The following TRPC4 variants were observed in gnomAD, a reference collection of about 807,000 sequenced individuals.
TRPC4 encodes the protein transient receptor potential cation channel subfamily C member 4, also known as short transient receptor potential channel 4.
Under a neutral mutation model 99.4 loss-of-function variants are expected in TRPC4, and 49 were observed. The observed-to-expected ratio is 0.49, with a 90% CI of 0.39 to 0.63. TRPC4 has a LOEUF of 0.63. TRPC4 is among the 20% of genes least tolerant of loss of function. The pLI is 0.00. For synonymous variants in TRPC4, 454 were observed against 425.9 expected, an observed-to-expected ratio of 1.07 and a Z score of -0.81; for missense variants, 898 against 1,152.9, an observed-to-expected ratio of 0.78 and a Z score of 3.20.
intron 2 of TRPC4, among the ~76,000 whole-genome samples, chr13:37,755,756 G>A (rs1457844240): frequency 6.6e-6 from 1 of 152,104 alleles, no homozygotes; most frequent in Non-Finnish European, 1.5e-5. Flanking sequence ...AAGATAGTAA[G>A]GGGCATTTGT....
chr13:37,735,994 T>TG (rs1447065499), intron 3 of TRPC4, among the ~76,000 whole-genome samples: 1 of 152,046 alleles, frequency 6.6e-6, no homozygotes, highest in African/African-American at 2.4e-5. Flanking sequence ...AATTTAACTG[T>TG]GGGGGAAAAA....
At chr13:37,765,266 G>A (rs950962291) in intron 2 of TRPC4, among the ~76,000 whole-genome samples, 1 of 150,926 alleles carries the variant, frequency 6.6e-6, no homozygotes, top group African/African-American at 2.4e-5. Flanking sequence ...ATTAAAATAG[G>A]GCACCAACCT....
At chr13:37,867,893 G>A (rs1172742717) in intron 1 of TRPC4, among the ~76,000 whole-genome samples, 1 of 152,022 alleles carries the variant, frequency 6.6e-6, no homozygotes, top group Non-Finnish European at 1.5e-5. Flanking sequence ...CCTATAGATG[G>A]CTGTAGTTCT....
At chr13:37,821,780 G>A (rs1430614182) in intron 1 of TRPC4, among the ~76,000 whole-genome samples, 1 of 151,840 alleles carries the variant, frequency 6.6e-6, no homozygotes, top group African/African-American at 2.4e-5. Flanking sequence ...TTGAAACTGG[G>A]TCTTTCCTTA....
intron 3 of TRPC4, among the ~76,000 whole-genome samples, chr13:37,712,440 C>T (rs1296252100): frequency 1.3e-5 from 2 of 152,290 alleles, no homozygotes; most frequent in African/African-American, 4.8e-5. Flanking sequence ...ATAGCCCTGC[C>T]TAGGCAATGA....
At chr13:37,728,744 C>G (rs1375358527) in intron 3 of TRPC4, among the ~76,000 whole-genome samples, 1 of 151,970 alleles carries the variant, frequency 6.6e-6, no homozygotes, top group African/African-American at 2.4e-5. Context: ...TAAAGAAGAA[C>G]AAAGCTTGAG....
intron 3 of TRPC4, among the ~76,000 whole-genome samples, chr13:37,705,348 T>C (rs534493040): frequency 6.6e-6 from 1 of 152,200 alleles, no homozygotes; most frequent in South Asian, 2.1e-4. Flanking sequence ...TCATTTCAGT[T>C]AGATAAGTTT....
At chr13:37,835,201 G>A (rs921116254) in intron 1 of TRPC4, among the ~76,000 whole-genome samples, 3 of 151,900 alleles carry the variant, frequency 2.0e-5, no homozygotes, top group Non-Finnish European at 4.4e-5. Flanking sequence ...TGCTTCAGTC[G>A]GCTGACTGTT....
At chr13:37,638,447 T>A (rs564529655) in intron 10 of TRPC4, among the ~76,000 whole-genome samples, 5 of 152,320 alleles carry the variant, frequency 3.3e-5, no homozygotes, top group South Asian at 2.1e-4. Context: ...TAGATTTTTT[T>A]AAATTTGTTT....
chr13:37,687,878 C>G (rs752154828), intron 4 of TRPC4, among the ~76,000 whole-genome samples: 1 of 152,128 alleles, frequency 6.6e-6, no homozygotes, highest in African/African-American at 2.4e-5. Context: ...ACTTTTTACT[C>G]TAGTTTAAGT....
At chr13:37,688,944 A>G (rs1273661298) in intron 4 of TRPC4, among the ~76,000 whole-genome samples, 1 of 152,208 alleles carries the variant, frequency 6.6e-6, no homozygotes, top group East Asian at 1.9e-4. Flanking sequence ...ATGGCCACTT[A>G]CTTTATCAGA....
intron 3 of TRPC4, among the ~76,000 whole-genome samples, chr13:37,708,657 A>C (rs1244126539): frequency 6.7e-6 from 1 of 150,296 alleles, no homozygotes; most frequent in Non-Finnish European, 1.5e-5. Flanking sequence ...AATTATGTAT[A>C]TATATACACA....
chr13:37,800,382 T>G (rs576358373), intron 1 of TRPC4, among the ~76,000 whole-genome samples: 1 of 152,286 alleles, frequency 6.6e-6, no homozygotes, highest in African/African-American at 2.4e-5. Flanking sequence ...GGTTTTATTG[T>G]TAATGCAAGA....
chr13:37,775,087 G>A (rs1235392335), intron 2 of TRPC4, among the ~76,000 whole-genome samples: 1 of 151,516 alleles, frequency 6.6e-6, no homozygotes, highest in Non-Finnish European at 1.5e-5. Context: ...AAATCTTTTC[G>A]ACAAAACCCA....
At chr13:37,866,863 A>C (rs1959789224) in intron 1 of TRPC4, among the ~76,000 whole-genome samples, 1 of 142,306 alleles carries the variant, frequency 7.0e-6, no homozygotes, top group East Asian at 2.0e-4. Flanking sequence ...GGGCGGGTAT[A>C]GGGTATAAAT....
chr13:37,845,602 G>T (rs1958869282), intron 1 of TRPC4, among the ~76,000 whole-genome samples: 3 of 151,514 alleles, frequency 2.0e-5, no homozygotes, highest in South Asian at 4.1e-4. Flanking sequence ...CAATCGATCA[G>T]AGGAGCAAAA....
chr13:37,745,043 C>T (rs1181997301), intron 3 of TRPC4, among the ~76,000 whole-genome samples: 1 of 152,064 alleles, frequency 6.6e-6, no homozygotes, highest in Non-Finnish European at 1.5e-5. Flanking sequence ...CTTACATCTG[C>T]TATTGTACTA....
intron 2 of TRPC4, among the ~76,000 whole-genome samples, chr13:37,772,007 C>G (rs2139295296): frequency 6.6e-6 from 1 of 151,612 alleles, no homozygotes; most frequent in South Asian, 2.1e-4. Flanking sequence ...GCTGTGTTCC[C>G]AAGGAGGAGA....
In TRPC4 at chr13:37,636,397, T is replaced by C. The variant is rs1951519692; in HGVS notation, c.*506A>G. Among the ~76,000 whole-genome samples the C allele has an allele frequency of 6.6e-6, 1 of 152,140 alleles. No individual in the cohort carries two copies. The highest frequency in any genetic ancestry group is 6.6e-5 in the Admixed American group (1 of 15,254). ...TTGTTTGCTTTGTGTACAATAATTA[T>C]TTACATGTCGTTAAGAAATAATTTG... On this transcript the variant is annotated 3_prime_UTR_variant, in exon 11 of 11. Coordinates refer to ENST00000379705, the MANE Select transcript of TRPC4 (RefSeq NM_016179.4).
Sources: allele counts gnomAD v4.1 joint callset (sites outside exome capture counted in the v4.1 genomes callset), GRCh38; gene constraint gnomAD v4.1.1; transcripts MANE v1.5; gene names NCBI Gene and HGNC (gene_info 2026-07-23, HGNC 2026-07-21).